CSMD1: variants seen among roughly 807,000 people sequenced by gnomAD.
The protein encoded by CSMD1 is CUB and sushi domain-containing protein 1.
A neutral mutation model predicts 417.5 loss-of-function variants in CSMD1; 213 were observed. The ratio of observed to expected loss-of-function variants is 0.51; its 90% CI spans 0.46 to 0.57. The LOEUF (loss-of-function observed/expected upper bound fraction) is 0.57, where lower values mean the gene tolerates loss of function less well. Among genes scored for constraint, CSMD1 ranks in the 20% least tolerant of loss-of-function variants. The pLI, the probability that CSMD1 is intolerant of heterozygous loss-of-function variation, is 0.00. For missense variants in CSMD1, 6,923 were observed against 4,529.7 expected (o/e 1.53, Z -15.17); for synonymous variants, 2,862 against 1,736.8 (o/e 1.65, Z -16.11).
intron 31 of CSMD1, among the ~76,000 whole-genome samples, chr8:3,203,347 C>T (rs1327571702): frequency 6.6e-6 from 1 of 152,158 alleles, no homozygotes; most frequent in Non-Finnish European, 1.5e-5. Context: ...AGTGAGCAAA[C>T]TCAATTGCCA....
At chr8:3,810,941 G>A (rs747229659) in intron 5 of CSMD1, among the ~76,000 whole-genome samples, 7 of 152,130 alleles carry the variant, frequency 4.6e-5, no homozygotes, top group Non-Finnish European at 1.0e-4. Context: ...CTTTGAAATG[G>A]GGATAATAAC....
chr8:3,484,985 G>T (rs1245463086), intron 11 of CSMD1, among the ~76,000 whole-genome samples: 1 of 152,170 alleles, frequency 6.6e-6, no homozygotes, highest in Non-Finnish European at 1.5e-5. Context: ...GGAGAACCAT[G>T]CTGGAAAACA....
chr8:2,981,352 G>T (rs1225258444), intron 54 of CSMD1, among the ~76,000 whole-genome samples: 2 of 152,176 alleles, frequency 1.3e-5, no homozygotes, highest in Non-Finnish European at 1.5e-5. Context: ...GTGAGCTATT[G>T]GTTTGTAAAC....
chr8:3,487,936 C>A (rs185581468), intron 11 of CSMD1, among the ~76,000 whole-genome samples: 5 of 151,970 alleles, frequency 3.3e-5, no homozygotes, highest in Non-Finnish European at 5.9e-5. Flanking sequence ...AACTTGTTTG[C>A]ATCCCATTAG....
rs1797510489 is a variant in CSMD1, at chr8:3,753,953, T to C, written c.908A>G (p.Lys303Arg). 2 of 1,612,740 alleles carry C rather than the reference T, an allele frequency of 1.2e-6. No homozygotes were observed. Among genetic ancestry groups the C allele is most frequent in the Admixed American group, 1.7e-5 (1 of 59,978 alleles). Residue 303 changes from lysine (K) to arginine (R), a missense_variant, in exon 6 of 70, where the codon AAA becomes AGA. By Grantham distance (26) the Lys-to-Arg change is conservative. Transcript: ENST00000635120. ...ACCTTGGAACTGAGCGTTAAATCCT[T>C]TGCGTCGGTGGTTGCTGTCAGAGGT... is the stretch of plus-strand genomic sequence containing the variant. ...HFTSDSNHRR[K>R]GFNAQFQVKK...
intron 12 of CSMD1, among the ~76,000 whole-genome samples, chr8:3,421,064 T>C (rs138763747): frequency 5.9e-4 from 90 of 152,356 alleles, no homozygotes; most frequent in African/African-American, 2.1e-3. Context: ...TTTATTACAA[T>C]AACTGAAGAC....
chr8:4,827,384 C>G (rs193084855), intron 1 of CSMD1, among the ~76,000 whole-genome samples: 204 of 152,266 alleles, frequency 1.3e-3, no homozygotes, highest in African/African-American at 4.6e-3. Flanking sequence ...GCTCGAGTTA[C>G]CTTCCTCGAC....
intron 1 of CSMD1, among the ~76,000 whole-genome samples, chr8:4,909,883 G>C (rs373789488): frequency 2.3e-4 from 35 of 152,138 alleles, no homozygotes; most frequent in African/African-American, 7.5e-4. Flanking sequence ...TTGATTTGGG[G>C]TTTGCCCAGC....
At position 3,412,142 on chromosome 8, in the gene CSMD1, A is replaced by G. The variant is rs564457505; in HGVS notation, c.1562-2537T>C. 2.2e-3 allele frequency among the ~76,000 whole-genome samples: 286 copies of G among 129,512 alleles called. 27 individuals are homozygous for G. The highest frequency in any genetic ancestry group is 8.3e-3 in the African/African-American group (278 of 33,346). 85.0% of individuals were successfully genotyped at this position (129,512 alleles called of 152,430 possible). A position where few individuals can be genotyped will look rare whatever the true frequency, so the allele number is the denominator to read the frequency against. ...TACACACGTATATATACATATATAC[A>G]TATATATACACACGTATATATACAT... On this transcript the variant is annotated intron_variant, in intron 12 of 69. Transcript: ENST00000635120.
chr8:4,226,184 A>C (rs1212690967), intron 3 of CSMD1, among the ~76,000 whole-genome samples: 1 of 152,102 alleles, frequency 6.6e-6, no homozygotes, highest in African/African-American at 2.4e-5. Flanking sequence ...AGCAACTTAA[A>C]GGAGATCATT....
At chr8:4,839,304 G>A (rs931061538) in intron 1 of CSMD1, among the ~76,000 whole-genome samples, 2 of 152,282 alleles carry the variant, frequency 1.3e-5, no homozygotes, top group Non-Finnish European at 1.5e-5. Context: ...ATAGCAGACA[G>A]AAGGGACAAG....
chr8:4,648,867 G>A (rs1011705639), intron 1 of CSMD1, among the ~76,000 whole-genome samples: 1 of 152,162 alleles, frequency 6.6e-6, no homozygotes. Context: ...ACCCACCACA[G>A]TAACAACGTC....
chr8:4,853,714 C>G (rs1801620298), intron 1 of CSMD1, among the ~76,000 whole-genome samples: 1 of 152,182 alleles, frequency 6.6e-6, no homozygotes, highest in South Asian at 2.1e-4. Flanking sequence ...AATGGTAGAT[C>G]TAACAGCATC....
chr8:2,942,305 G>T (rs1415073552), intron 69 of CSMD1, among the ~76,000 whole-genome samples, 167 bp downstream of exon 69: 1 of 151,344 alleles, frequency 6.6e-6, no homozygotes, highest in African/African-American at 2.4e-5. Flanking sequence ...CTGCACATCC[G>T]GCACGTGTAC....
At chr8:4,208,453 T>TA (rs1204642036) in intron 3 of CSMD1, among the ~76,000 whole-genome samples, 1 of 152,210 alleles carries the variant, frequency 6.6e-6, no homozygotes, top group South Asian at 2.1e-4. Context: ...TCTTTGGCTA[T>TA]AAAAAATTGA....
intron 1 of CSMD1, among the ~76,000 whole-genome samples, chr8:4,712,609 G>C (rs552292114): frequency 4.6e-5 from 7 of 152,176 alleles, no homozygotes; most frequent in Non-Finnish European, 1.0e-4. Flanking sequence ...TTAAGATCTA[G>C]GATTTGTTTA....
rs1170573200 is a variant in CSMD1 at position 2,988,555 on chromosome 8, A to C, written c.8377+9456T>G. Among the ~76,000 whole-genome samples, 6 of 152,294 alleles carry C rather than the reference A, an allele frequency of 3.9e-5. No individual in the cohort carries two copies. The East Asian group carries it at 1.2e-3, about 29-fold the overall frequency. On this transcript the variant is annotated intron_variant, in intron 54 of 69. Transcript: ENST00000635120. Reference sequence around the variant, plus strand: ...GTTTCCAAGAAAGCTCCTCTAGGGAAATATGGGCCTCCAGGAGAGTAGGAA... The same window carrying C: ...GTTTCCAAGAAAGCTCCTCTAGGGACATATGGGCCTCCAGGAGAGTAGGAA...
At chr8:3,638,416 T>G (rs9792338) in intron 7 of CSMD1, among the ~76,000 whole-genome samples, 10 of 151,820 alleles carry the variant, frequency 6.6e-5, no homozygotes, top group Middle Eastern at 3.4e-3. Flanking sequence ...AAGGTCCTAG[T>G]TTTGCCCACC....
At chr8:4,120,143 C>T (rs900726742) in intron 3 of CSMD1, among the ~76,000 whole-genome samples, 1 of 152,082 alleles carries the variant, frequency 6.6e-6, no homozygotes, top group African/African-American at 2.4e-5. Context: ...CATCGCATGC[C>T]TGTATCAAAA....
Sources: gnomAD v4.1 joint callset for allele counts (sites outside exome capture counted in the v4.1 genomes callset) on GRCh38, gnomAD v4.1.1 for gene constraint, MANE v1.5 for transcripts, NCBI Gene and HGNC (gene_info 2026-07-23, HGNC 2026-07-21) for gene names.